POU2F3: variants seen among roughly 807,000 people sequenced by gnomAD.
POU2F3 encodes the protein POU domain, class 2, transcription factor 3.
POU2F3 carries 23 observed loss-of-function variants against 59.2 expected under a neutral mutation model. The ratio of observed to expected loss-of-function variants is 0.39; its 90% confidence interval spans 0.28 to 0.55. The LOEUF is 0.55. Among genes scored for constraint, POU2F3 ranks in the 20% least tolerant of loss-of-function variants. The probability of loss-of-function intolerance (pLI) is 0.66; values close to 1 mark genes in which losing one functional copy is unlikely to be tolerated. For synonymous variants in POU2F3, 190 were observed against 214.6 expected, an observed-to-expected ratio of 0.89 and a Z score of 1.00; for missense variants, 473 against 544.5, an observed-to-expected ratio of 0.87 and a Z score of 1.31.
At chr11:120,262,310 TTTTA>T (rs1205448426) in intron 2 of POU2F3, among the ~76,000 whole-genome samples, 1 of 152,248 alleles carries the variant, frequency 6.6e-6, no homozygotes, top group Non-Finnish European at 1.5e-5. Flanking sequence ...TTCCGAAGTA[TTTTA>T]TTTATACATT....
intron 3 of POU2F3, 55 bp downstream of exon 3, chr11:120,269,299 A>G: frequency 1.4e-6 from 2 of 1,408,470 alleles, no homozygotes; most frequent in South Asian, 1.2e-5. Context: ...GGCATCACCT[A>G]TACTGTCTGG....
chr11:120,290,214 C>A (rs532618026), intron 3 of POU2F3, among the ~76,000 whole-genome samples: 1 of 152,168 alleles, frequency 6.6e-6, no homozygotes, highest in Non-Finnish European at 1.5e-5. Context: ...CTTCATTTAT[C>A]CAATGCCCTT....
intron 3 of POU2F3, among the ~76,000 whole-genome samples, chr11:120,295,258 C>T (rs1243147372): frequency 1.3e-5 from 2 of 152,248 alleles, no homozygotes; most frequent in Non-Finnish European, 2.9e-5. Flanking sequence ...CACATGTTTT[C>T]AAGCTCTGTC....
intron 10 of POU2F3, among the ~76,000 whole-genome samples, chr11:120,312,901 G>T (rs1423451244): frequency 1.3e-5 from 2 of 152,154 alleles, no homozygotes; most frequent in South Asian, 2.1e-4. Flanking sequence ...GAGTTGGGGG[G>T]TGCAGAGAGG....
At chr11:120,240,878 G>T (rs995974442) in intron 1 of POU2F3, among the ~76,000 whole-genome samples, 2 of 152,128 alleles carry the variant, frequency 1.3e-5, no homozygotes, top group African/African-American at 2.4e-5. Flanking sequence ...AGGTGCCCCT[G>T]GGGCAGGGGC....
intron 10 of POU2F3, among the ~76,000 whole-genome samples, chr11:120,311,031 A>G (rs1202091646): frequency 1.3e-5 from 2 of 152,186 alleles, no homozygotes; most frequent in African/African-American, 2.4e-5. Context: ...AATGAGAGGC[A>G]AATAAATGTG....
At chr11:120,274,081 GAGAAAGAAAGGAAGGAAGGAAGGA>G (rs1257497807) in intron 3 of POU2F3, among the ~76,000 whole-genome samples, 1,441 of 130,574 alleles carry the variant, frequency 0.011, 23 homozygotes, top group African/African-American at 0.038. Flanking sequence ...AAGAAAAAGA[GAGAAAGAAAGGAAGGAAGGAAGGA>G]AGAAAGGAAG....
rs1428257816 is a variant in POU2F3 at position 120,318,397 on chromosome 11, A to G, written c.*5A>G. 1 of 1,596,134 alleles carries G rather than the reference A, an allele frequency of 6.3e-7. No homozygotes were observed. Among genetic ancestry groups the G allele is most frequent in the Non-Finnish European group, 8.6e-7 (1 of 1,163,692 alleles). ...CATTCCACCTACCTCCACTGAGACCAAAAAGTTTCTCCTACTCCAGCTGGC... is the reference window on the plus strand; with the variant it reads ...CATTCCACCTACCTCCACTGAGACCGAAAAGTTTCTCCTACTCCAGCTGGC... On this transcript the variant is annotated 3_prime_UTR_variant, in exon 13 of 13. Coordinates refer to ENST00000543440, the MANE Select transcript of POU2F3 (RefSeq NM_014352.4).
intron 9 of POU2F3, among the ~76,000 whole-genome samples, chr11:120,308,178 G>C (rs1039885758): frequency 5.9e-5 from 9 of 152,276 alleles, no homozygotes; most frequent in Admixed American, 5.2e-4. Flanking sequence ...TTTGGAACTT[G>C]TAGCAAAAGC....
At chr11:120,295,568 G>A (rs189789433) in intron 3 of POU2F3, among the ~76,000 whole-genome samples, 1 of 152,236 alleles carries the variant, frequency 6.6e-6, no homozygotes, top group African/African-American at 2.4e-5. Context: ...AGTGGTGGTG[G>A]TCATTTTGAA....
chr11:120,264,879 A>G (rs913405160), intron 2 of POU2F3, among the ~76,000 whole-genome samples: 127 of 152,358 alleles, frequency 8.3e-4, no homozygotes, highest in Admixed American at 1.7e-3. Flanking sequence ...ATCGTGGACC[A>G]GTTTTTAACA....
chr11:120,281,982 C>T (rs1341748923), intron 3 of POU2F3, among the ~76,000 whole-genome samples: 2 of 152,194 alleles, frequency 1.3e-5, no homozygotes, highest in Non-Finnish European at 2.9e-5. Context: ...ATTCCCATTG[C>T]AACAATTTAG....
upstream of POU2F3, among the ~76,000 whole-genome samples, chr11:120,239,794 C>T (rs555733565): frequency 2.6e-4 from 39 of 152,360 alleles, no homozygotes; most frequent in African/African-American, 8.7e-4. Context: ...ACCCCCGCGA[C>T]TTCTCCAAAC....
chr11:120,301,639 C>A (rs970557408), intron 5 of POU2F3: 1 of 153,264 alleles, frequency 6.5e-6, no homozygotes, highest in Admixed American at 6.5e-5. Context: ...CCTCATGTAC[C>A]GTTTTCCTGG....
At chr11:120,267,548 C>T (rs1419121906) in intron 2 of POU2F3, among the ~76,000 whole-genome samples, 1 of 114,330 alleles carries the variant, frequency 8.7e-6, no homozygotes, top group East Asian at 7.0e-4. Flanking sequence ...TGCCAGCCCA[C>T]CTGCTCTCAG....
intron 3 of POU2F3, among the ~76,000 whole-genome samples, chr11:120,275,733 C>T (rs1591402625): frequency 6.6e-6 from 1 of 152,212 alleles, no homozygotes; most frequent in South Asian, 2.1e-4. Flanking sequence ...GGGGTTTCCT[C>T]TCAGCCCCAC....
At chr11:120,269,524 T>C (rs1163170231) in intron 3 of POU2F3, among the ~76,000 whole-genome samples, 4 of 152,178 alleles carry the variant, frequency 2.6e-5, no homozygotes, top group Non-Finnish European at 4.4e-5. Context: ...AGACAAGAGC[T>C]CTTTTCCTGT....
chr11:120,274,838 T>C (rs1210663639), intron 3 of POU2F3, among the ~76,000 whole-genome samples: 2 of 152,062 alleles, frequency 1.3e-5, no homozygotes, highest in African/African-American at 2.4e-5. Flanking sequence ...GGAGTGGATG[T>C]CTATAGATGA....
At chr11:120,300,581 T>C (rs1427338794) in intron 5 of POU2F3, among the ~76,000 whole-genome samples, 1 of 152,008 alleles carries the variant, frequency 6.6e-6, no homozygotes, top group Non-Finnish European at 1.5e-5. Flanking sequence ...CTGGCCAACA[T>C]GGTAAAACTC....
Sources: gnomAD v4.1 joint callset for allele counts (sites outside exome capture counted in the v4.1 genomes callset) on GRCh38, gnomAD v4.1.1 for gene constraint, MANE v1.5 for transcripts, NCBI Gene and HGNC (gene_info 2026-07-23, HGNC 2026-07-21) for gene names.